GABRG1: variants seen among roughly 807,000 people sequenced by gnomAD.
The protein encoded by GABRG1 is gamma-aminobutyric acid receptor subunit gamma-1.
In GABRG1, 49 loss-of-function variants were observed where a neutral mutation model predicts 49.8. The observed-to-expected ratio is 0.98, with a 90% CI of 0.78 to 1.25. The LOEUF (loss-of-function observed/expected upper bound fraction) is 1.25, where lower values mean the gene tolerates loss of function less well. Among genes scored for constraint, GABRG1 ranks in the 50% most tolerant of loss-of-function variants. GABRG1 has a pLI of 0.00. For missense variants in GABRG1, 552 were observed against 552.3 expected (o/e 1.00, Z 0.01); for synonymous variants, 232 against 185.1 (o/e 1.25, Z -2.06).
rs1284414778 is a variant in GABRG1, at chr4:46,035,925, C to CATCTGTTAT, written c.*5062_*5063insATAACAGAT. The CATCTGTTAT allele has an allele frequency of 1.3e-5, 2 of 151,924 alleles. No individual in the cohort carries two copies. The highest frequency in any genetic ancestry group is 4.8e-5 in the African/African-American group (2 of 41,508). 9.4% of individuals were successfully genotyped at this position (151,924 alleles called of 1,614,324 possible). ...GAGGCAGTAGCAGAATAACAGAAGC[C>CATCTGTTAT]ATTATAATCACAAGCCATAAAACTT... On this transcript the variant is annotated 3_prime_UTR_variant, in exon 9 of 9. Transcript: ENST00000295452.
intron 8 of GABRG1, among the ~76,000 whole-genome samples, chr4:46,047,653 A>T (rs531959317): frequency 6.6e-6 from 1 of 151,894 alleles, no homozygotes; most frequent in Non-Finnish European, 1.5e-5. Context: ...TGTTTTTATA[A>T]AAAATAAAAA....
In GABRG1 at chr4:46,040,716, T is replaced by A; in HGVS notation, c.*272A>T. 1 of 225,248 alleles carries A rather than the reference T, an allele frequency of 4.4e-6. No homozygotes were observed. The highest frequency in any genetic ancestry group is 8.8e-5 in the East Asian group (1 of 11,382). 14.0% of individuals were successfully genotyped at this position (225,248 alleles called of 1,614,324 possible). A position where few individuals can be genotyped will look rare whatever the true frequency, so the allele number is the denominator to read the frequency against. ...AATCATAGAACTTAAAAATTCAAAATTATAATAACATATAAGTAAATTAAA... is the reference window on the plus strand; with the variant it reads ...AATCATAGAACTTAAAAATTCAAAAATATAATAACATATAAGTAAATTAAA... On this transcript the variant is annotated 3_prime_UTR_variant, in exon 9 of 9. Coordinates refer to ENST00000295452, the MANE Select transcript of GABRG1 (RefSeq NM_173536.4).
intron 1 of GABRG1, among the ~76,000 whole-genome samples, chr4:46,102,964 A>T (rs1257649429): frequency 6.6e-6 from 1 of 151,568 alleles, no homozygotes; most frequent in Non-Finnish European, 1.5e-5. Flanking sequence ...TTAAACATTC[A>T]TTGAGGTTTG....
intron 2 of GABRG1, among the ~76,000 whole-genome samples, chr4:46,093,929 A>G (rs1720087883): frequency 6.6e-6 from 1 of 151,988 alleles, no homozygotes; most frequent in African/African-American, 2.4e-5. Flanking sequence ...ACATCTATAC[A>G]TTTGAGCAAC....
chr4:46,079,209 A>G (rs1479066643), intron 3 of GABRG1, among the ~76,000 whole-genome samples: 1 of 151,798 alleles, frequency 6.6e-6, no homozygotes, highest in Non-Finnish European at 1.5e-5. Context: ...AGTTAGCCTG[A>G]TCCTCTTTGC....
At chr4:46,054,939 G>C (rs1365103801) in intron 7 of GABRG1, among the ~76,000 whole-genome samples, 1 of 85,296 alleles carries the variant, frequency 1.2e-5, no homozygotes, top group Non-Finnish European at 2.3e-5. Flanking sequence ...TTTTCAAAGG[G>C]AATGCTTCCA....
chr4:46,043,930 ATAGT>A (rs1717884283), intron 8 of GABRG1, among the ~76,000 whole-genome samples: 2 of 152,144 alleles, frequency 1.3e-5, no homozygotes, highest in East Asian at 3.9e-4. Context: ...GTATTTACAT[ATAGT>A]TATTACTTAT....
chr4:46,051,655 C>A lies in GABRG1; in HGVS notation c.917-17G>T. The A allele has an allele frequency of 6.9e-7, 1 of 1,459,324 alleles. No homozygotes were observed. 90.4% of individuals were successfully genotyped at this position (1,459,324 alleles called of 1,614,324 possible). A position where few individuals can be genotyped will look rare whatever the true frequency, so the allele number is the denominator to read the frequency against. On this transcript the variant is annotated splice_polypyrimidine_tract_variant and intron_variant, in intron 7 of 8. Coordinates refer to ENST00000295452, the MANE Select transcript of GABRG1 (RefSeq NM_173536.4). The stretch of plus-strand genomic sequence containing the variant: ...TAGTGATACCTATAGAGAGAGGAAA[C>A]AAAACAGGAAATGAAAATTAATAGA...
intron 1 of GABRG1, among the ~76,000 whole-genome samples, chr4:46,109,831 C>T (rs1418915801): frequency 6.6e-6 from 1 of 150,966 alleles, no homozygotes; most frequent in Non-Finnish European, 1.5e-5. Context: ...TCCAAGAGAT[C>T]TTCTTGGTAT....
intron 2 of GABRG1, among the ~76,000 whole-genome samples, chr4:46,092,314 A>G: frequency 6.6e-6 from 1 of 152,140 alleles, no homozygotes; most frequent in South Asian, 2.1e-4. Flanking sequence ...AAACATATGG[A>G]CATAATAGCA....
intron 3 of GABRG1, among the ~76,000 whole-genome samples, chr4:46,076,487 G>T (rs1719337063): frequency 6.7e-6 from 1 of 148,282 alleles, no homozygotes; most frequent in Non-Finnish European, 1.5e-5. Flanking sequence ...ATAAATAAAT[G>T]GGTAAATAAA....
chr4:46,117,757 T>C (rs1477192218), intron 1 of GABRG1, among the ~76,000 whole-genome samples: 1 of 142,924 alleles, frequency 7.0e-6, no homozygotes, highest in Non-Finnish European at 1.5e-5. Flanking sequence ...TACATACATG[T>C]ATATACATAT....
intron 8 of GABRG1, among the ~76,000 whole-genome samples, chr4:46,049,720 T>A (rs1294238904): frequency 6.6e-6 from 1 of 151,922 alleles, no homozygotes; most frequent in African/African-American, 2.4e-5. Context: ...AATGATTGAA[T>A]AACATGATAA....
At chr4:46,094,804 A>G (rs2109429913) in intron 2 of GABRG1, among the ~76,000 whole-genome samples, 1 of 152,100 alleles carries the variant, frequency 6.6e-6, no homozygotes, top group Admixed American at 6.6e-5. Context: ...ATTAAAATAC[A>G]TCAATAAGCT....
intron 8 of GABRG1, among the ~76,000 whole-genome samples, chr4:46,046,142 ATTTG>A (rs1235435410): frequency 3.9e-5 from 6 of 152,034 alleles, no homozygotes; most frequent in Admixed American, 3.9e-4. Context: ...GAATTGTTCT[ATTTG>A]TTTATTAGTT....
At chr4:46,042,837 G>C (rs1497569) in intron 8 of GABRG1, among the ~76,000 whole-genome samples, 76,611 of 151,706 alleles carry the variant, frequency 0.5, 19,921 homozygotes, top group African/African-American at 0.62. Flanking sequence ...TGCACCTTGA[G>C]GATAAGGAGA....
intron 5 of GABRG1, among the ~76,000 whole-genome samples, chr4:46,059,368 A>T (rs1378588022): frequency 6.6e-6 from 1 of 151,738 alleles, no homozygotes; most frequent in Non-Finnish European, 1.5e-5. Flanking sequence ...TCTTTTTTCC[A>T]TAGAGAGTAT....
At chr4:46,102,467 C>G (rs77648589) in intron 1 of GABRG1, among the ~76,000 whole-genome samples, 14 of 151,590 alleles carry the variant, frequency 9.2e-5, no homozygotes, top group African/African-American at 3.1e-4. Context: ...TTCTTCCCCC[C>G]TCTACTTTCA....
intron 5 of GABRG1, 28 bp from the exon 6 acceptor site, chr4:46,058,650 A>C: frequency 1.3e-6 from 2 of 1,580,878 alleles, no homozygotes; most frequent in Non-Finnish European, 1.7e-6. Flanking sequence ...ATAGATTAGC[A>C]AGATCCAAAT....
Sources: allele counts gnomAD v4.1 joint callset (sites outside exome capture counted in the v4.1 genomes callset), GRCh38; gene constraint gnomAD v4.1.1; transcripts MANE v1.5; gene names NCBI Gene and HGNC (gene_info 2026-07-23, HGNC 2026-07-21).